Variants in ARVCF observed in about 807,000 individuals in gnomAD.
ARVCF encodes the protein splicing regulator ARVCF.
A neutral mutation model predicts 90.9 loss-of-function variants in ARVCF; 66 were observed. The ratio of observed to expected loss-of-function variants is 0.73; its 90% CI spans 0.60 to 0.89. ARVCF has a LOEUF of 0.89. ARVCF is among the 40% of genes least tolerant of loss of function. The pLI is 0.00. For synonymous variants in ARVCF, 653 were observed against 603.4 expected, an observed-to-expected ratio of 1.08 and a Z score of -1.21; for missense variants, 1,469 against 1,382.3, an observed-to-expected ratio of 1.06 and a Z score of -1.00.
intron 8 of ARVCF, 34 bp from the exon 9 acceptor site, chr22:19,977,620 C>A (rs565226027): frequency 4.0e-6 from 6 of 1,498,206 alleles, no homozygotes; most frequent in African/African-American, 1.4e-5. Context: ...GGGCAGGGCA[C>A]CCTAGGCACA....
chr22:19,968,437 G>A (rs1002404327), downstream of ARVCF: 56 of 1,166,286 alleles, frequency 4.8e-5, no homozygotes, highest in Non-Finnish European at 6.6e-5. Flanking sequence ...AGGCACAGGC[G>A]TGGTGCCGTG....
At chr22:20,005,681 G>A (rs539594028) in intron 2 of ARVCF, among the ~76,000 whole-genome samples, 41 of 152,066 alleles carry the variant, frequency 2.7e-4, no homozygotes, top group South Asian at 8.3e-4. Flanking sequence ...TTAGCCGGGC[G>A]TGGTGACAGG....
chr22:19,997,651 T>G (rs73387763), intron 2 of ARVCF, among the ~76,000 whole-genome samples: 13,670 of 152,238 alleles, frequency 0.09, 997 homozygotes, highest in African/African-American at 0.2. Flanking sequence ...CCCTGCTGCA[T>G]CCTGCCCAGG....
rs2146379644 is a variant in ARVCF, at chr22:19,990,580, G to T, written c.210+5C>A. On this transcript the variant is annotated splice_donor_5th_base_variant and intron_variant, in intron 3 of 19. Coordinates refer to ENST00000263207, the MANE Select transcript of ARVCF (RefSeq NM_001670.3). ...TTCACCCTTCCCAAGTCACTAGGCT[G>T]TTACCTGGAGGACCAGCTGTTGCCA... The T allele has an allele frequency of 6.2e-7, 1 of 1,604,180 alleles. No individual in the cohort carries two copies. Among genetic ancestry groups the T allele is most frequent in the East Asian group, 2.2e-5 (1 of 44,606 alleles).
intron 1 of ARVCF, among the ~76,000 whole-genome samples, chr22:20,010,767 G>A (rs1026179191): frequency 2.6e-5 from 4 of 152,186 alleles, no homozygotes; most frequent in Admixed American, 6.5e-5. Context: ...CTTCAGAAAC[G>A]TGATCCTTCA....
At chr22:19,968,877 G>A, downstream of ARVCF, 1 of 745,934 alleles carries the variant, frequency 1.3e-6, no homozygotes, top group South Asian at 1.5e-5. Context: ...GCCCTGACAT[G>A]CTAACCTCTC....
intron 13 of ARVCF, 87 bp downstream of exon 13, chr22:19,973,556 C>A: frequency 6.6e-7 from 1 of 1,523,026 alleles, no homozygotes; most frequent in Non-Finnish European, 8.8e-7. Flanking sequence ...GACTCCCAAA[C>A]CACTCATCCT....
intron 7 of ARVCF, among the ~76,000 whole-genome samples, 172 bp downstream of exon 7, chr22:19,978,725 G>A (rs1280034096): frequency 6.6e-6 from 1 of 152,074 alleles, no homozygotes; most frequent in African/African-American, 2.4e-5. Flanking sequence ...CACCACTTGG[G>A]GGTGAGGACA....
intron 2 of ARVCF, among the ~76,000 whole-genome samples, chr22:20,002,139 C>G (rs139035919): frequency 3.7e-4 from 57 of 152,354 alleles, no homozygotes; most frequent in African/African-American, 1.3e-3. Context: ...GGGCTGGAAT[C>G]TGAGTTAGGG....
In ARVCF at chr22:19,974,143, G is replaced by A. The variant is rs767954651; in HGVS notation, c.2057C>T (p.Ala686Val). Residue 686 changes from alanine to valine, a missense_variant, in exon 12 of 20, where the codon GCT becomes GTT. Transcript: ENST00000263207. ...NFNTLEAAAG[A>V]LQNLSAGNWM... Reference sequence around the variant, plus strand: ...GTTGCCGGCACTGAGGTTCTGCAGAGCGCCGGCGGCAGCCTCCAGGGTGTT... The same window carrying A: ...GTTGCCGGCACTGAGGTTCTGCAGAACGCCGGCGGCAGCCTCCAGGGTGTT... 4 of 1,612,478 alleles carry A rather than the reference G, an allele frequency of 2.5e-6. No individual in the cohort carries two copies. In the African/African-American group the frequency reaches 4.0e-5, roughly 16 times the overall value.
At chr22:19,999,776 G>A (rs1410825915) in intron 2 of ARVCF, among the ~76,000 whole-genome samples, 1 of 152,114 alleles carries the variant, frequency 6.6e-6, no homozygotes, top group Non-Finnish European at 1.5e-5. Flanking sequence ...AGAGGCTGAG[G>A]GACCACTAGA....
At chr22:19,987,140 G>T (rs894714232) in intron 3 of ARVCF, 17 of 479,590 alleles carry the variant, frequency 3.5e-5, no homozygotes, top group Non-Finnish European at 6.0e-5. Context: ...GGAGGCGGTG[G>T]CTGGACCAGG....
chr22:19,992,720 C>T (rs1308821507), intron 2 of ARVCF, among the ~76,000 whole-genome samples: 4 of 152,192 alleles, frequency 2.6e-5, no homozygotes, highest in African/African-American at 9.7e-5. Flanking sequence ...GCCTCATGGA[C>T]CTGGGGTGGC....
In ARVCF at chr22:19,976,733, C is replaced by A; in HGVS notation, c.1871-10G>T. ...TGGTGGAACCACTCCTCTGGGAGGC[C>A]GGAGGAAGCAGAGGAGAGAGGAGAG... On this transcript the variant is annotated splice_polypyrimidine_tract_variant and intron_variant, in intron 9 of 19. Transcript: ENST00000263207. 1 of 1,560,228 alleles carries A rather than the reference C, an allele frequency of 6.4e-7. No individual in the cohort carries two copies. The highest frequency in any genetic ancestry group is 1.4e-5 in the African/African-American group (1 of 74,070).
At chr22:20,009,392 T>A (rs895822252) in intron 2 of ARVCF, among the ~76,000 whole-genome samples, 22 of 152,194 alleles carry the variant, frequency 1.4e-4, no homozygotes, top group African/African-American at 5.1e-4. Flanking sequence ...CCTAGATCCC[T>A]CAGCCTAGGT....
At chr22:19,977,893 C>A in intron 8 of ARVCF, 65 bp downstream of exon 8, 1 of 1,505,222 alleles carries the variant, frequency 6.6e-7, no homozygotes, top group Admixed American at 2.0e-5. Context: ...ACAGTTCCAG[C>A]CTCCTGGGAC....
intron 2 of ARVCF, among the ~76,000 whole-genome samples, chr22:20,002,274 G>A (rs1462174861): frequency 1.3e-5 from 2 of 152,120 alleles, no homozygotes; most frequent in Non-Finnish European, 2.9e-5. Flanking sequence ...GTGTAGGGAG[G>A]AGGGTGCCCA....
At chr22:19,988,292 T>G (rs1402568906) in intron 3 of ARVCF, among the ~76,000 whole-genome samples, 5 of 152,218 alleles carry the variant, frequency 3.3e-5, no homozygotes, top group African/African-American at 1.2e-4. Flanking sequence ...TGGACCCCTG[T>G]ATCTTGCATC....
At position 19,978,983 on chromosome 22, in the gene ARVCF, T is replaced by G. The variant is rs761809783; in HGVS notation, c.1494A>C (p.Ser498=). The change falls in exon 7 of 20, where the codon TCA becomes TCC. Residue 498 remains serine (S), a synonymous_variant. Coordinates refer to ENST00000263207, the MANE Select transcript of ARVCF (RefSeq NM_001670.3). ...TLTHEVIVPH[S]GWEREPNEDS... ...CCTCGTTGGGCTCACGCTCCCATCC[T>G]GAGTGGGGCACGATCACCTCGTGGG... 1.9e-6 allele frequency: 3 copies of G among 1,613,290 alleles called. No individual in the cohort carries two copies. Among genetic ancestry groups the G allele is most frequent in the East Asian group, 4.5e-5 (2 of 44,882 alleles).
Sources: gnomAD v4.1 joint callset for allele counts (sites outside exome capture counted in the v4.1 genomes callset) on GRCh38, gnomAD v4.1.1 for gene constraint, MANE v1.5 for transcripts, NCBI Gene and HGNC (gene_info 2026-07-23, HGNC 2026-07-21) for gene names.